Variants in FERMT1 observed in about 807,000 individuals in gnomAD.
The protein encoded by FERMT1 is fermitin family homolog 1.
Under a neutral mutation model 85.3 loss-of-function variants are expected in FERMT1, and 60 were observed. That is an observed-to-expected ratio of 0.70 (90% CI 0.57 to 0.87). The LOEUF is 0.87. Among genes scored for constraint, FERMT1 ranks in the 40% least tolerant of loss-of-function variants. The probability of loss-of-function intolerance (pLI) is 0.00; values close to 1 mark genes in which losing one functional copy is unlikely to be tolerated. For missense variants in FERMT1, 701 were observed against 818.9 expected, an observed-to-expected ratio of 0.86 and a Z score of 1.76; for synonymous variants, 275 against 301.1, an observed-to-expected ratio of 0.91 and a Z score of 0.90.
Position 6,103,270 on chromosome 20 carries a change from C to A in FERMT1, c.849+4262G>T, listed in dbSNP as rs1982709262. Among the ~76,000 whole-genome samples, 5 of 152,224 alleles carry A rather than the reference C, an allele frequency of 3.3e-5. No homozygotes were observed. In the South Asian group the frequency reaches 8.3e-4, roughly 25 times the overall value. On this transcript the variant is annotated intron_variant, in intron 6 of 14. Coordinates refer to ENST00000217289, the MANE Select transcript of FERMT1 (RefSeq NM_017671.5). ...CATATCAAAAAAGAGCTGATTCATT[C>A]TTTTTAAAAACAATATGGTATGAAT...
intron 6 of FERMT1, among the ~76,000 whole-genome samples, chr20:6,102,945 G>A (rs1982700617): frequency 6.6e-6 from 1 of 152,132 alleles, no homozygotes; most frequent in African/African-American, 2.4e-5. Flanking sequence ...ATTGGCCCAG[G>A]AGCAGCTTTC....
At chr20:6,094,574 T>G (rs1982451678) in intron 9 of FERMT1, among the ~76,000 whole-genome samples, 1 of 152,214 alleles carries the variant, frequency 6.6e-6, no homozygotes, top group Admixed American at 6.5e-5. Context: ...ATTGCTGATG[T>G]GAACCCAGCC....
At chr20:6,115,709 T>C (rs887521813) in intron 3 of FERMT1, 102 bp downstream of exon 3, 3 of 880,612 alleles carry the variant, frequency 3.4e-6, no homozygotes, top group Non-Finnish European at 5.7e-6. Context: ...AATAGGTGAG[T>C]GTTCTGTAGC....
rs1242264170 is a variant in FERMT1, at chr20:6,076,561, A to T, written c.*612T>A. ...GTCATCTTGGCAGGTATCACTGTGG[A>T]CAGATGACACTGAGGGCCACTCCTC... On this transcript the variant is annotated 3_prime_UTR_variant, in exon 15 of 15. Transcript: ENST00000217289. The T allele has an allele frequency of 2.1e-6, 1 of 465,544 alleles. No homozygotes were observed. The highest frequency in any genetic ancestry group is 4.3e-6 in the Non-Finnish European group (1 of 232,456). 28.8% of individuals were successfully genotyped at this position (465,544 alleles called of 1,614,324 possible).
chr20:6,083,496 C>T (rs992172498), intron 13 of FERMT1, among the ~76,000 whole-genome samples: 5 of 151,946 alleles, frequency 3.3e-5, no homozygotes, highest in South Asian at 4.2e-4. Flanking sequence ...AGCCACACCA[C>T]GAGACACTAT....
intron 9 of FERMT1, among the ~76,000 whole-genome samples, chr20:6,092,138 C>G (rs1298816142): frequency 1.3e-5 from 2 of 152,136 alleles, no homozygotes; most frequent in African/African-American, 4.8e-5. Flanking sequence ...ATATTCCCCT[C>G]TAGGTATTTT....
chr20:6,080,156 T>A (rs75018803), intron 13 of FERMT1, among the ~76,000 whole-genome samples: 2,792 of 148,840 alleles, frequency 0.019, 81 homozygotes, highest in African/African-American at 0.066. Context: ...CTTAAAAAAA[T>A]TTTTTTTTTA....
In FERMT1 at chr20:6,115,770, CA is replaced by C. The variant is rs768654723; in HGVS notation, c.385+40del. The C allele has an allele frequency of 2.3e-5, 34 of 1,447,902 alleles. No homozygotes were observed. In the East Asian group the frequency reaches 7.3e-4, roughly 31 times the overall value. 89.7% of individuals were successfully genotyped at this position (1,447,902 alleles called of 1,614,324 possible). ...CACATAATTTTCCTGTCTAGCTTTGCAAGAGTCTACAGGGCACAGGGGCCTT... is the reference window on the plus strand; with the variant it reads ...CACATAATTTTCCTGTCTAGCTTTGCAGAGTCTACAGGGCACAGGGGCCTT... On this transcript the variant is annotated intron_variant, in intron 3 of 14. Coordinates refer to ENST00000217289, the MANE Select transcript of FERMT1 (RefSeq NM_017671.5).
intron 4 of FERMT1, among the ~76,000 whole-genome samples, chr20:6,111,264 G>C (rs1026716854): frequency 3.9e-5 from 6 of 152,184 alleles, no homozygotes; most frequent in African/African-American, 1.4e-4. Flanking sequence ...AATTCAGTAG[G>C]CTGATGATTT....
At chr20:6,087,747 G>T in intron 11 of FERMT1, 30 bp downstream of exon 11, 1 of 1,223,704 alleles carries the variant, frequency 8.2e-7, no homozygotes, top group Non-Finnish European at 1.2e-6. Context: ...TGGAGGTGAA[G>T]TGACTTAATA....
intron 13 of FERMT1, among the ~76,000 whole-genome samples, chr20:6,080,725 C>T (rs1195028989): frequency 6.6e-6 from 1 of 152,140 alleles, no homozygotes; most frequent in Admixed American, 6.6e-5. Flanking sequence ...AAGGATTTGG[C>T]CTGAACATCT....
intron 2 of FERMT1, 68 bp from the exon 3 acceptor site, chr20:6,116,112 G>T: frequency 9.1e-7 from 1 of 1,096,792 alleles, no homozygotes. Flanking sequence ...TGGAGCTGCA[G>T]AGTCAATTTC....
At chr20:6,095,515 T>A (rs1354224181) in intron 8 of FERMT1, among the ~76,000 whole-genome samples, 1 of 152,244 alleles carries the variant, frequency 6.6e-6, no homozygotes, top group Non-Finnish European at 1.5e-5. Flanking sequence ...AGGTCACTGA[T>A]TAAACTTTCA....
chr20:6,084,000 T>A (rs973946999), intron 13 of FERMT1, 40 bp downstream of exon 13: 8 of 1,613,490 alleles, frequency 5.0e-6, no homozygotes, highest in Non-Finnish European at 6.8e-6. Context: ...CACTTAAAAT[T>A]GAATGGAAAG....
At chr20:6,111,370 T>G (rs11696864) in intron 4 of FERMT1, among the ~76,000 whole-genome samples, 21,703 of 151,994 alleles carry the variant, frequency 0.14, 2,092 homozygotes, top group African/African-American at 0.28. Flanking sequence ...GGTGGCTCAT[T>G]CCTGTAATCC....
rs114990723 is a variant in FERMT1 at position 6,076,979 on chromosome 20, C to T, written c.*194G>A. On this transcript the variant is annotated 3_prime_UTR_variant, in exon 15 of 15. Coordinates refer to ENST00000217289, the MANE Select transcript of FERMT1 (RefSeq NM_017671.5). ...TAGAAAAAACAAGAGAGGCTCCTTCCGTGGCTGGTAGCACAGGGCAAAGTA... is the reference window on the plus strand; with the variant it reads ...TAGAAAAAACAAGAGAGGCTCCTTCTGTGGCTGGTAGCACAGGGCAAAGTA... The T allele has an allele frequency of 6.0e-3, 3,734 of 620,608 alleles. 84 individuals carry two copies. The highest frequency in any genetic ancestry group is 0.055 in the African/African-American group (2,974 of 54,484). 38.4% of individuals were successfully genotyped at this position (620,608 alleles called of 1,614,324 possible).
intron 6 of FERMT1, among the ~76,000 whole-genome samples, chr20:6,105,139 A>C (rs1568661793): frequency 6.6e-6 from 1 of 152,184 alleles, no homozygotes; most frequent in South Asian, 2.1e-4. Flanking sequence ...TTGATTGTCT[A>C]TTTGTAGAAA....
intron 3 of FERMT1, among the ~76,000 whole-genome samples, chr20:6,113,270 G>T (rs893070086): frequency 6.6e-6 from 1 of 152,180 alleles, no homozygotes; most frequent in African/African-American, 2.4e-5. Flanking sequence ...CCCCAGCCAT[G>T]TGGAACTGTA....
rs146931816 is a variant in FERMT1, at chr20:6,115,207, G to T, written c.385+604C>A. Among the ~76,000 whole-genome samples the T allele has an allele frequency of 4.6e-3, 708 of 152,302 alleles. 6 individuals are homozygous for T. The highest frequency in any genetic ancestry group is 0.016 in the African/African-American group (672 of 41,562). On this transcript the variant is annotated intron_variant, in intron 3 of 14. Transcript: ENST00000217289. ...TATAAAATGAGAATACCTTCATGGGGTGTTTCCTTCCCTTTATGGAGTTTT... is the reference window on the plus strand; with the variant it reads ...TATAAAATGAGAATACCTTCATGGGTTGTTTCCTTCCCTTTATGGAGTTTT...
Sources: allele counts gnomAD v4.1 joint callset (sites outside exome capture counted in the v4.1 genomes callset), GRCh38; gene constraint gnomAD v4.1.1; transcripts MANE v1.5; gene names NCBI Gene and HGNC (gene_info 2026-07-23, HGNC 2026-07-21).